Variants in TUBGCP3 observed in about 807,000 individuals in gnomAD.
TUBGCP3 encodes the protein tubulin gamma complex component 3.
In TUBGCP3, 50 loss-of-function variants were observed where a neutral mutation model predicts 123.1. That is an observed-to-expected ratio of 0.41 (90% CI 0.32 to 0.51). The LOEUF is 0.51. TUBGCP3 is among the 20% of genes least tolerant of loss of function. TUBGCP3 has a pLI of 0.36. For missense variants in TUBGCP3, 882 were observed against 1,127.0 expected (o/e 0.78, Z 3.11); for synonymous variants, 405 against 413.9 (o/e 0.98, Z 0.26).
At chr13:112,570,721 A>C (rs981660823) in intron 1 of TUBGCP3, among the ~76,000 whole-genome samples, 4 of 152,124 alleles carry the variant, frequency 2.6e-5, no homozygotes, top group African/African-American at 9.7e-5. Flanking sequence ...CCTTCCTTTC[A>C]TGCTTCTTCT....
At chr13:112,544,001 T>C (rs955133980) in intron 11 of TUBGCP3, among the ~76,000 whole-genome samples, 3 of 152,218 alleles carry the variant, frequency 2.0e-5, no homozygotes, top group African/African-American at 4.8e-5. Context: ...CCCAGTGAGA[T>C]GGCACATTTC....
intron 20 of TUBGCP3, among the ~76,000 whole-genome samples, chr13:112,498,217 C>T (rs575466906): frequency 2.0e-5 from 3 of 152,248 alleles, no homozygotes; most frequent in South Asian, 2.1e-4. Flanking sequence ...TCTACTTTAA[C>T]GATGGGTTTA....
At chr13:112,550,016 A>T (rs79456649) in intron 8 of TUBGCP3, among the ~76,000 whole-genome samples, 10 of 142,952 alleles carry the variant, frequency 7.0e-5, no homozygotes, top group African/African-American at 2.1e-4. Flanking sequence ...AAAAAAAAAA[A>T]TACTGAAAGG....
chr13:112,486,311 C>A (rs921397141), intron 21 of TUBGCP3, among the ~76,000 whole-genome samples, 160 bp from the exon 22 acceptor site: 2 of 152,228 alleles, frequency 1.3e-5, no homozygotes, highest in African/African-American at 4.8e-5. Flanking sequence ...GGAGCAAGAG[C>A]TGCTGGGACC....
chr13:112,496,921 G>C (rs891012981), intron 20 of TUBGCP3, among the ~76,000 whole-genome samples: 24 of 151,204 alleles, frequency 1.6e-4, no homozygotes, highest in Non-Finnish European at 2.8e-4. Context: ...AGGAGGCGGA[G>C]CCTGCAGTGA....
intron 1 of TUBGCP3, among the ~76,000 whole-genome samples, chr13:112,576,658 T>C (rs1482573652): frequency 1.3e-5 from 2 of 151,716 alleles, no homozygotes; most frequent in African/African-American, 2.4e-5. Context: ...TCAACAAAGC[T>C]GAAAAAAATA....
chr13:112,561,341 T>C (rs1880502550), intron 3 of TUBGCP3, among the ~76,000 whole-genome samples: 1 of 152,194 alleles, frequency 6.6e-6, no homozygotes, highest in African/African-American at 2.4e-5. Context: ...CTTTAGCTCT[T>C]TCCACACATT....
the TUBGCP3 span, among the ~76,000 whole-genome samples, chr13:112,593,543 CG>C: frequency 6.6e-6 from 1 of 152,094 alleles, no homozygotes; most frequent in South Asian, 2.1e-4. Context: ...CATGCTGCCG[CG>C]TGCCTGCAAT....
chr13:112,549,206 A>T (rs1252041587), intron 8 of TUBGCP3, among the ~76,000 whole-genome samples: 1 of 152,172 alleles, frequency 6.6e-6, no homozygotes, highest in Non-Finnish European at 1.5e-5. Context: ...GAAGCTGGAA[A>T]CCATCATTCT....
chr13:112,537,786 G>A (rs779185082), intron 11 of TUBGCP3, among the ~76,000 whole-genome samples: 19 of 152,164 alleles, frequency 1.2e-4, no homozygotes, highest in Non-Finnish European at 2.1e-4. Flanking sequence ...CTTTGCTAAA[G>A]TTTCCTGATT....
intron 17 of TUBGCP3, among the ~76,000 whole-genome samples, chr13:112,514,843 C>T (rs1325877242): frequency 6.6e-6 from 1 of 152,166 alleles, no homozygotes; most frequent in Non-Finnish European, 1.5e-5. Context: ...TTTATAAAAA[C>T]ATGCATGGCA....
intron 8 of TUBGCP3, among the ~76,000 whole-genome samples, chr13:112,550,284 G>A (rs1198457402): frequency 6.6e-6 from 1 of 152,120 alleles, no homozygotes; most frequent in Non-Finnish European, 1.5e-5. Flanking sequence ...TTTTCTTTAA[G>A]TAAATATGTA....
chr13:112,488,131 CAAAA>C (rs35453839), intron 21 of TUBGCP3, among the ~76,000 whole-genome samples: 2 of 53,438 alleles, frequency 3.7e-5, no homozygotes. Flanking sequence ...GACTTGGTCT[CAAAA>C]AAAAAAAAAA....
chr13:112,597,717 A>G, the TUBGCP3 span, among the ~76,000 whole-genome samples: 2 of 146,214 alleles, frequency 1.4e-5, no homozygotes, highest in Non-Finnish European at 3.0e-5. Context: ...AGATACAACT[A>G]AAAAAAAAAA....
intron 20 of TUBGCP3, among the ~76,000 whole-genome samples, chr13:112,492,709 A>G (rs1430255269): frequency 7.2e-6 from 1 of 139,800 alleles, no homozygotes; most frequent in East Asian, 2.2e-4. Context: ...CACCCTGGCT[A>G]TGGGAATGGG....
At chr13:112,510,105 G>A (rs374849939) in intron 17 of TUBGCP3, among the ~76,000 whole-genome samples, 7 of 152,130 alleles carry the variant, frequency 4.6e-5, no homozygotes, top group South Asian at 2.1e-4. Flanking sequence ...CTGGACGGCC[G>A]ATACACAAAA....
At chr13:112,525,447 G>A (rs888995766) in intron 13 of TUBGCP3, among the ~76,000 whole-genome samples, 4 of 152,140 alleles carry the variant, frequency 2.6e-5, no homozygotes, top group Admixed American at 1.3e-4. Context: ...TCCAAGACCA[G>A]ACTAATAAGC....
intron 17 of TUBGCP3, among the ~76,000 whole-genome samples, chr13:112,513,131 A>T (rs1594127271): frequency 6.6e-6 from 1 of 152,268 alleles, no homozygotes; most frequent in East Asian, 1.9e-4. Flanking sequence ...TTCCCTCCCC[A>T]CCCCACACAA....
chr13:112,556,137 A>T lies in TUBGCP3; in HGVS notation c.636T>A (p.Pro212=). ...RLAWTLTANQ[P]SSQATTSKGV... The stretch of plus-strand genomic sequence containing the variant: ...CTTTTGAGGTAGTGGCTTGTGAAGA[A>T]GGCTGATTTGCAGTTAAAGTCCATG... Residue 212 remains proline (P), a synonymous_variant, in exon 6 of 22, where the codon CCT becomes CCA. Coordinates refer to ENST00000261965, the MANE Select transcript of TUBGCP3 (RefSeq NM_006322.6). 6.2e-7 allele frequency: 1 copy of T among 1,614,078 alleles called. No individual in the cohort carries two copies. The highest frequency in any genetic ancestry group is 8.5e-7 in the Non-Finnish European group (1 of 1,179,984).
Sources: allele counts gnomAD v4.1 joint callset (sites outside exome capture counted in the v4.1 genomes callset), GRCh38; gene constraint gnomAD v4.1.1; transcripts MANE v1.5; gene names NCBI Gene and HGNC (gene_info 2026-07-23, HGNC 2026-07-21).